SCAPER: variants seen among roughly 807,000 people sequenced by gnomAD.
SCAPER encodes S-phase cyclin A associated protein in the ER.
In SCAPER, 98 loss-of-function variants were observed where a neutral mutation model predicts 182.2. The observed-to-expected ratio is 0.54, with a 90% CI of 0.46 to 0.64. SCAPER has a LOEUF of 0.64. SCAPER is among the 30% of genes least tolerant of loss of function. The pLI is 0.00. For missense variants in SCAPER, 1,432 were observed against 1,690.0 expected, an observed-to-expected ratio of 0.85 and a Z score of 2.68; for synonymous variants, 605 against 564.6, an observed-to-expected ratio of 1.07 and a Z score of -1.01.
intron 2 of SCAPER, among the ~76,000 whole-genome samples, chr15:76,876,349 G>A (rs887585070): frequency 5.3e-4 from 81 of 151,778 alleles, no homozygotes; most frequent in Middle Eastern, 3.4e-3. Flanking sequence ...CGAGGGCTGC[G>A]AGGGCTGCCA....
At chr15:76,610,872 C>A (rs971001644) in intron 22 of SCAPER, among the ~76,000 whole-genome samples, 11 of 152,076 alleles carry the variant, frequency 7.2e-5, no homozygotes, top group Non-Finnish European at 1.6e-4. Context: ...GCAGTGAAAT[C>A]CCTATCAAAA....
Position 76,703,571 on chromosome 15 carries a change from C to T in SCAPER, c.2248-569G>A, listed in dbSNP as rs572323297. On this transcript the variant is annotated intron_variant, in intron 18 of 31. Coordinates refer to ENST00000563290, the MANE Select transcript of SCAPER (RefSeq NM_020843.4). ...TTCAGACCTTTGTCCTTATACTCAT[C>T]TATTTGATATGGCTAGAATGGCATC... 6.6e-5 allele frequency among the ~76,000 whole-genome samples: 10 copies of T among 152,248 alleles called. No individual in the cohort carries two copies. In the South Asian group the frequency reaches 1.9e-3, roughly 28 times the overall value.
chr15:76,673,889 G>A (rs1282869359), intron 20 of SCAPER, among the ~76,000 whole-genome samples: 2 of 149,752 alleles, frequency 1.3e-5, no homozygotes, highest in African/African-American at 2.5e-5. Context: ...ATTCAAACAG[G>A]AAAACTACAA....
intron 22 of SCAPER, among the ~76,000 whole-genome samples, chr15:76,608,722 G>C (rs561407270): frequency 3.3e-5 from 5 of 152,334 alleles, no homozygotes; most frequent in Non-Finnish European, 5.9e-5. Flanking sequence ...ATTCGGCAAT[G>C]GCGGGCGCCC....
intron 26 of SCAPER, among the ~76,000 whole-genome samples, chr15:76,414,606 G>C (rs922612441): frequency 6.6e-6 from 1 of 151,990 alleles, no homozygotes; most frequent in African/African-American, 2.4e-5. Context: ...GCATGGAAAA[G>C]ACCAAACAGT....
intron 29 of SCAPER, among the ~76,000 whole-genome samples, chr15:76,360,357 T>G (rs1373198506): frequency 6.6e-6 from 1 of 152,184 alleles, no homozygotes; most frequent in Non-Finnish European, 1.5e-5. Flanking sequence ...GACTATACTC[T>G]TACAATGGGG....
At chr15:76,382,370 T>TA (rs1296216802) in intron 27 of SCAPER, among the ~76,000 whole-genome samples, 3 of 151,818 alleles carry the variant, frequency 2.0e-5, no homozygotes, top group African/African-American at 7.3e-5. Context: ...TCTTTTATTT[T>TA]TTTTTTTTAA....
At position 76,898,678 on chromosome 15, in the gene SCAPER, G is replaced by A. The variant is rs75983518; in HGVS notation, c.-60+6621C>T. ...CTGTATAATTCCATTTATGTGAAAT[G>A]TCCTGAATAGGCAAATCCATAAAGA... On this transcript the variant is annotated intron_variant, in intron 1 of 31. Transcript: ENST00000563290. Among the ~76,000 whole-genome samples, 1,383 of 152,342 alleles carry A rather than the reference G, an allele frequency of 9.1e-3. 22 individuals carry two copies. The highest frequency in any genetic ancestry group is 0.032 in the African/African-American group (1,343 of 41,572).
intron 22 of SCAPER, among the ~76,000 whole-genome samples, chr15:76,616,807 C>T (rs1003469259): frequency 7.2e-5 from 11 of 152,004 alleles, no homozygotes; most frequent in African/African-American, 2.7e-4. Flanking sequence ...CCTTTTTGGG[C>T]CTCTATCATT....
intron 16 of SCAPER, among the ~76,000 whole-genome samples, chr15:76,731,502 T>C (rs1209594579): frequency 6.6e-6 from 1 of 152,262 alleles, no homozygotes; most frequent in Non-Finnish European, 1.5e-5. Context: ...TCCATGAGAA[T>C]GCTTCAAGAG....
intron 24 of SCAPER, among the ~76,000 whole-genome samples, chr15:76,497,109 C>CTTTTTTTTTTTTT (rs57202860): frequency 0.045 from 3,893 of 86,494 alleles, 300 homozygotes; most frequent in South Asian, 0.09. Flanking sequence ...TTGGTCTCCT[C>CTTTTTTTTTTTTT]TTTTTTTTTT....
At chr15:76,861,336 G>C (rs1182159702) in intron 3 of SCAPER, among the ~76,000 whole-genome samples, 1 of 152,168 alleles carries the variant, frequency 6.6e-6, no homozygotes, top group African/African-American at 2.4e-5. Flanking sequence ...TAAAGCAATT[G>C]ATTAAATTAA....
intron 26 of SCAPER, among the ~76,000 whole-genome samples, chr15:76,420,548 A>G (rs2045955926): frequency 6.6e-6 from 1 of 152,214 alleles, no homozygotes; most frequent in Admixed American, 6.5e-5. Context: ...CATTTACAAT[A>G]GTAATAATAA....
At chr15:76,856,873 T>C (rs1196922017) in intron 4 of SCAPER, among the ~76,000 whole-genome samples, 3 of 151,488 alleles carry the variant, frequency 2.0e-5, no homozygotes, top group Non-Finnish European at 4.4e-5. Flanking sequence ...CTCAAAAAAT[T>C]AAATTAAATT....
At chr15:76,844,269 A>G (rs1052943755) in intron 4 of SCAPER, among the ~76,000 whole-genome samples, 1 of 98,494 alleles carries the variant, frequency 1.0e-5, no homozygotes, top group African/African-American at 3.3e-5. Flanking sequence ...AGACAGAAAG[A>G]GGAAAAAAAA....
At chr15:76,747,426 C>A (rs1482556677) in intron 15 of SCAPER, among the ~76,000 whole-genome samples, 2 of 152,124 alleles carry the variant, frequency 1.3e-5, no homozygotes, top group Admixed American at 6.5e-5. Flanking sequence ...CGCCTGGACC[C>A]AGGAGGCAGA....
intron 2 of SCAPER, among the ~76,000 whole-genome samples, chr15:76,873,385 G>T (rs1433642907): frequency 3.0e-5 from 4 of 133,954 alleles, no homozygotes; most frequent in Non-Finnish European, 6.5e-5. Context: ...CAGGCAGGCA[G>T]GCATCTCTAG....
At chr15:76,604,121 T>A (rs1241117796) in intron 22 of SCAPER, among the ~76,000 whole-genome samples, 4 of 120,306 alleles carry the variant, frequency 3.3e-5, no homozygotes, top group East Asian at 2.2e-4. Flanking sequence ...CTGAATGGTA[T>A]TGCCTAGGTT....
intron 22 of SCAPER, among the ~76,000 whole-genome samples, chr15:76,608,311 A>T (rs985639045): frequency 9.9e-5 from 15 of 152,208 alleles, no homozygotes; most frequent in African/African-American, 3.6e-4. Context: ...GGGTATCAGC[A>T]GCGGTGGCTG....
Sources: allele counts gnomAD v4.1 joint callset (sites outside exome capture counted in the v4.1 genomes callset), GRCh38; gene constraint gnomAD v4.1.1; transcripts MANE v1.5; gene names NCBI Gene and HGNC (gene_info 2026-07-23, HGNC 2026-07-21).